ACSL5: variants seen among roughly 807,000 people sequenced by gnomAD.
The protein encoded by ACSL5 is long-chain-fatty-acid--CoA ligase 5.
A neutral mutation model predicts 84.9 loss-of-function variants in ACSL5; 50 were observed. That is an observed-to-expected ratio of 0.59 (90% confidence interval 0.47 to 0.75). The LOEUF is 0.75. Among genes scored for constraint, ACSL5 ranks in the 30% least tolerant of loss-of-function variants. The probability of loss-of-function intolerance (pLI) is 0.00; values close to 1 mark genes in which losing one functional copy is unlikely to be tolerated. For missense variants in ACSL5, 775 were observed against 830.4 expected (o/e 0.93, Z 0.82); for synonymous variants, 280 against 300.7 (o/e 0.93, Z 0.71).
At chr10:112,425,595 T>TAAAAAAAA (rs71489969) in intron 18 of ACSL5, 114 bp downstream of exon 18, 3 of 537,710 alleles carry the variant, frequency 5.6e-6, no homozygotes, top group African/African-American at 2.3e-5. Context: ...CTTATAAAAC[T>TAAAAAAAA]AAAAAAAAAA....
intron 3 of ACSL5, among the ~76,000 whole-genome samples, chr10:112,399,814 C>T (rs938052485): frequency 2.0e-5 from 3 of 152,210 alleles, no homozygotes; most frequent in Non-Finnish European, 4.4e-5. Context: ...ACTTCATCTT[C>T]CCTAAACCAT....
At chr10:112,379,414 G>GA (rs5787960) in intron 1 of ACSL5, among the ~76,000 whole-genome samples, 111,549 of 141,800 alleles carry the variant, frequency 0.79, 43,619 homozygotes, top group Middle Eastern at 0.89. Flanking sequence ...TCAAAAAAAA[G>GA]AAAAAAAAAA....
At chr10:112,404,961 C>T (rs951607396) in intron 5 of ACSL5, among the ~76,000 whole-genome samples, 155 bp downstream of exon 5, 1 of 152,224 alleles carries the variant, frequency 6.6e-6, no homozygotes, top group Non-Finnish European at 1.5e-5. Flanking sequence ...AGAGTTACCA[C>T]TCAGAACCTA....
chr10:112,382,869 A>G (rs1349276049), intron 1 of ACSL5, among the ~76,000 whole-genome samples: 2 of 152,218 alleles, frequency 1.3e-5, no homozygotes, highest in South Asian at 2.1e-4. Context: ...GAATCTTTCC[A>G]TGGTGTGGAA....
rs757005492 is a variant in ACSL5, at chr10:112,427,247, A to C, written c.1941A>C (p.Pro647=). 5 of 1,613,452 alleles carry C rather than the reference A, an allele frequency of 3.1e-6. No homozygotes were observed. The highest frequency in any genetic ancestry group is 4.2e-6 in the Non-Finnish European group (5 of 1,179,828). The change falls in exon 21 of 21, where the codon CCA becomes CCC. Residue 647 remains proline (P), a synonymous_variant. Coordinates refer to ENST00000354655, the MANE Select transcript of ACSL5 (RefSeq NM_203379.2). ...AAGCCATTTTTCTTCATCCAGAGCCATTTTCCATTGAAAATGGGCTCTTGA... is the reference window on the plus strand; with the variant it reads ...AAGCCATTTTTCTTCATCCAGAGCCCTTTTCCATTGAAAATGGGCTCTTGA... ...QVKAIFLHPE[P]FSIENGLLTP...
intron 15 of ACSL5, 67 bp downstream of exon 15, chr10:112,421,732 TTTG>T (rs1247398140): frequency 6.6e-7 from 1 of 1,516,570 alleles, no homozygotes; most frequent in Non-Finnish European, 9.2e-7. Context: ...GAACTAGGAC[TTTG>T]GAGTTTAGAT....
In ACSL5 at chr10:112,410,599, G is replaced by A. The variant is rs544159053; in HGVS notation, c.760G>A (p.Asp254Asn). 6.2e-7 allele frequency: 1 copy of A among 1,614,044 alleles called. No individual in the cohort carries two copies. Among genetic ancestry groups the A allele is most frequent in the African/African-American group, 1.3e-5 (1 of 75,008 alleles). The change falls in exon 9 of 21, where the codon GAC becomes AAC. Residue 254 changes from aspartate to asparagine, a missense_variant. Coordinates refer to ENST00000354655, the MANE Select transcript of ACSL5 (RefSeq NM_203379.2). The part of the protein sequence containing the change: ...FRKPVPPSPE[D>N]LSVICFTSGT... The stretch of plus-strand genomic sequence containing the variant: ...CCTCCTCCAGCCTCCTAGCCCAGAA[G>A]ACCTGAGCGTCATCTGCTTCACCAG...
At position 112,404,785 on chromosome 10, in the gene ACSL5, C is replaced by G. The variant is rs17129766; in HGVS notation, c.411C>G (p.Ile137Met). The G allele has an allele frequency of 6.2e-7, 1 of 1,613,850 alleles. No homozygotes were observed. The highest frequency in any genetic ancestry group is 1.1e-5 in the South Asian group (1 of 91,074). The change falls in exon 5 of 21, where the codon ATC becomes ATG. Residue 137 changes from isoleucine (I) to methionine (M), a missense_variant. Physicochemically the swap from Ile to Met is conservative, Grantham distance 10. Transcript: ENST00000354655. ...YKSSPDQFVG[I>M]FAQNRPEWII... ...CATCACCAGACCAGTTTGTCGGCAT[C>G]TTTGCTCAGAATAGGCCAGAGGTAA...
Position 112,404,747 on chromosome 10 carries a change from A to G in ACSL5, c.373A>G (p.Lys125Glu). 11 of 1,614,048 alleles carry G rather than the reference A, an allele frequency of 6.8e-6. No individual in the cohort carries two copies. The highest frequency in any genetic ancestry group is 9.3e-6 in the Non-Finnish European group (11 of 1,179,962). The change falls in exon 5 of 21, where the codon AAA (lysine) becomes GAA (glutamate). Residue 125 changes from lysine (K) to glutamate (E), a missense_variant. Lys to Glu is a moderately conservative substitution (Grantham distance 56). Coordinates refer to ENST00000354655, the MANE Select transcript of ACSL5 (RefSeq NM_203379.2). The part of the protein sequence containing the change: ...AEYLGSCLLH[K>E]GYKSSPDQFV... ...GTACCTGGGTTCCTGTCTCTTGCATAAAGGTTATAAATCATCACCAGACCA... is the reference window on the plus strand; with the variant it reads ...GTACCTGGGTTCCTGTCTCTTGCATGAAGGTTATAAATCATCACCAGACCA...
intron 12 of ACSL5, among the ~76,000 whole-genome samples, chr10:112,414,200 A>G (rs913574782): frequency 2.6e-5 from 4 of 152,140 alleles, no homozygotes; most frequent in Non-Finnish European, 5.9e-5. Context: ...AGATTCTTCC[A>G]TAAAACCTGG....
intron 1 of ACSL5, among the ~76,000 whole-genome samples, chr10:112,383,571 C>G (rs1849392569): frequency 6.6e-6 from 1 of 152,250 alleles, no homozygotes; most frequent in South Asian, 2.1e-4. Flanking sequence ...GGTTTCCACC[C>G]ACAGAGCTGC....
At chr10:112,409,799 G>A in intron 7 of ACSL5, 114 bp downstream of exon 7, 1 of 1,004,054 alleles carries the variant, frequency 1.0e-6, no homozygotes, top group Non-Finnish European at 1.5e-6. Flanking sequence ...GGCACGTGAG[G>A]AGTAGATTAG....
rs780769650 is a variant in ACSL5, at chr10:112,409,619, T to C, written c.645T>C (p.Phe215=). 8 of 1,614,140 alleles carry C rather than the reference T, an allele frequency of 5.0e-6. No homozygotes were observed. The highest frequency in any genetic ancestry group is 1.1e-5 in the South Asian group (1 of 91,076). Residue 215 remains phenylalanine (F), a synonymous_variant, in exon 7 of 21, where the codon TTT becomes TTC. Transcript: ENST00000354655. ...SLKVIILMDP[F]DDDLKQRGEK... The stretch of plus-strand genomic sequence containing the variant: ...AGGTGATCATCCTTATGGACCCCTT[T>C]GATGATGACCTGAAGCAAAGAGGGG...
chr10:112,401,031 G>A (rs116338811), intron 3 of ACSL5, among the ~76,000 whole-genome samples: 139 of 152,188 alleles, frequency 9.1e-4, no homozygotes, highest in African/African-American at 3.1e-3. Context: ...GGAAGCAGGC[G>A]TGAGAAATCT....
intron 17 of ACSL5, chr10:112,424,358 C>A (rs983969557): frequency 6.6e-6 from 1 of 152,218 alleles, no homozygotes; most frequent in Non-Finnish European, 1.5e-5. Flanking sequence ...TCCTTTCTTG[C>A]TCAATCAATA....
intron 12 of ACSL5, among the ~76,000 whole-genome samples, chr10:112,413,650 G>A (rs564578407): frequency 2.6e-5 from 4 of 152,224 alleles, no homozygotes; most frequent in East Asian, 1.9e-4. Context: ...GCTTGAACCC[G>A]GGAGGCGGAG....
chr10:112,422,213 C>A, intron 16 of ACSL5, 112 bp from the exon 17 acceptor site: 2 of 1,090,282 alleles, frequency 1.8e-6, no homozygotes, highest in East Asian at 2.4e-5. Context: ...GTGCTCTTCA[C>A]AGTGTAGTGG....
chr10:112,417,502 C>T (rs1400850740), intron 13 of ACSL5, among the ~76,000 whole-genome samples: 1 of 118,312 alleles, frequency 8.5e-6, no homozygotes, highest in Non-Finnish European at 1.8e-5. Context: ...GACTCTATCT[C>T]AAAAAAAAAA....
chr10:112,407,572 A>C (rs1173084355), intron 5 of ACSL5, among the ~76,000 whole-genome samples: 7 of 152,016 alleles, frequency 4.6e-5, no homozygotes, highest in Non-Finnish European at 1.0e-4. Flanking sequence ...AAACAGTATG[A>C]GGGTAACCAC....
Sources: gnomAD v4.1 joint callset for allele counts (sites outside exome capture counted in the v4.1 genomes callset) on GRCh38, gnomAD v4.1.1 for gene constraint, MANE v1.5 for transcripts, NCBI Gene and HGNC (gene_info 2026-07-23, HGNC 2026-07-21) for gene names.